TMTC2: variants seen among roughly 807,000 people sequenced by gnomAD.
TMTC2 encodes the protein protein O-mannosyl-transferase TMTC2.
TMTC2 carries 43 observed loss-of-function variants against 82.4 expected under a neutral mutation model. The observed-to-expected ratio is 0.52, with a 90% CI of 0.41 to 0.67. The LOEUF (loss-of-function observed/expected upper bound fraction) is 0.67, where lower values mean the gene tolerates loss of function less well. Among genes scored for constraint, TMTC2 ranks in the 30% least tolerant of loss-of-function variants. The probability of loss-of-function intolerance (pLI) is 0.00; values close to 1 mark genes in which losing one functional copy is unlikely to be tolerated. For synonymous variants in TMTC2, 408 were observed against 381.9 expected, an observed-to-expected ratio of 1.07 and a Z score of -0.80; for missense variants, 919 against 1,012.4, an observed-to-expected ratio of 0.91 and a Z score of 1.25.
intron 11 of TMTC2, among the ~76,000 whole-genome samples, chr12:83,117,351 C>T (rs1243677433): frequency 6.6e-6 from 1 of 152,188 alleles, no homozygotes; most frequent in African/African-American, 2.4e-5. Context: ...CCCTGAGGAA[C>T]ATAGATGCTA....
At chr12:82,911,544 G>A (rs759144879) in intron 3 of TMTC2, among the ~76,000 whole-genome samples, 2 of 152,020 alleles carry the variant, frequency 1.3e-5, no homozygotes, top group African/African-American at 4.8e-5. Flanking sequence ...CATATTAGAC[G>A]TTCTTTTTTA....
intron 1 of TMTC2, among the ~76,000 whole-genome samples, chr12:82,842,788 T>C (rs1468263151): frequency 6.6e-6 from 1 of 152,200 alleles, no homozygotes; most frequent in Non-Finnish European, 1.5e-5. Flanking sequence ...ATGGTCTTTC[T>C]TTTCTCATGT....
intron 1 of TMTC2, among the ~76,000 whole-genome samples, chr12:82,781,942 G>A (rs907562432): frequency 5.3e-5 from 8 of 152,016 alleles, no homozygotes; most frequent in African/African-American, 1.9e-4. Context: ...ACAACTGTGT[G>A]CTTTAGAAAG....
At chr12:82,687,718 C>T (rs961466402) in intron 1 of TMTC2, 49 bp downstream of exon 1, 4 of 1,547,080 alleles carry the variant, frequency 2.6e-6, no homozygotes, top group African/African-American at 2.7e-5. Flanking sequence ...GCACACTCCG[C>T]AGTGGCTCTG....
chr12:83,055,564 T>C (rs1014210549), intron 10 of TMTC2, among the ~76,000 whole-genome samples: 3 of 152,070 alleles, frequency 2.0e-5, no homozygotes, highest in Non-Finnish European at 4.4e-5. Context: ...AGAAACATTT[T>C]CCGTGAATGG....
At chr12:83,069,433 T>A (rs1226358854) in intron 11 of TMTC2, among the ~76,000 whole-genome samples, 1 of 152,196 alleles carries the variant, frequency 6.6e-6, no homozygotes, top group Non-Finnish European at 1.5e-5. Flanking sequence ...TGATTTGCAT[T>A]TTCCTGATCA....
At chr12:82,835,969 A>G (rs1592561386) in intron 1 of TMTC2, among the ~76,000 whole-genome samples, 1 of 152,344 alleles carries the variant, frequency 6.6e-6, no homozygotes, top group East Asian at 1.9e-4. Context: ...TATTTTGAAT[A>G]TCACCCCTGG....
At chr12:82,803,990 G>A (rs189973477) in intron 1 of TMTC2, among the ~76,000 whole-genome samples, 1 of 151,992 alleles carries the variant, frequency 6.6e-6, no homozygotes, top group Non-Finnish European at 1.5e-5. Context: ...AAGAATTGAG[G>A]TTGCTGCAGA....
chr12:83,111,892 A>G (rs1382659798), intron 11 of TMTC2, among the ~76,000 whole-genome samples: 1 of 152,004 alleles, frequency 6.6e-6, no homozygotes, highest in Non-Finnish European at 1.5e-5. Context: ...AACTATTTAC[A>G]GTCTACAAAA....
chr12:82,823,104 C>T (rs1177558330), intron 1 of TMTC2, among the ~76,000 whole-genome samples: 1 of 152,134 alleles, frequency 6.6e-6, no homozygotes, highest in East Asian at 1.9e-4. Flanking sequence ...GTGGTACTTC[C>T]TCTTCTGTTG....
chr12:82,918,453 C>G (rs1875149430), intron 3 of TMTC2, among the ~76,000 whole-genome samples: 1 of 152,038 alleles, frequency 6.6e-6, no homozygotes, highest in South Asian at 2.1e-4. Flanking sequence ...TTGGCAGATT[C>G]TTACATAGAA....
intron 10 of TMTC2, among the ~76,000 whole-genome samples, chr12:83,057,235 C>T (rs754674857): frequency 4.0e-5 from 6 of 151,840 alleles, no homozygotes; most frequent in South Asian, 2.1e-4. Flanking sequence ...AGTTTGAGGC[C>T]GTGAAAGAAT....
chr12:82,919,510 C>G (rs768905054), intron 3 of TMTC2, among the ~76,000 whole-genome samples: 11 of 152,146 alleles, frequency 7.2e-5, no homozygotes, highest in Non-Finnish European at 1.5e-4. Flanking sequence ...ACTCAAAAAT[C>G]CAAAGTCCAG....
chr12:82,799,851 CG>C (rs1345029840), intron 1 of TMTC2, among the ~76,000 whole-genome samples: 1 of 152,056 alleles, frequency 6.6e-6, no homozygotes, highest in Non-Finnish European at 1.5e-5. Flanking sequence ...GTGTTCTTAC[CG>C]GCAAGGAACA....
intron 8 of TMTC2, among the ~76,000 whole-genome samples, chr12:83,016,084 T>C (rs1473940841): frequency 6.6e-6 from 1 of 152,228 alleles, no homozygotes; most frequent in African/African-American, 2.4e-5. Flanking sequence ...CAAGAATCTT[T>C]AGCCTGGCAG....
At chr12:82,808,557 C>G (rs10778913) in intron 1 of TMTC2, among the ~76,000 whole-genome samples, 20,501 of 151,796 alleles carry the variant, frequency 0.14, 1,658 homozygotes, top group African/African-American at 0.21. Context: ...AATTATAAAC[C>G]CTTACTCCTT....
intron 4 of TMTC2, among the ~76,000 whole-genome samples, chr12:82,962,231 C>T (rs1468400861): frequency 6.6e-6 from 1 of 152,000 alleles, no homozygotes; most frequent in Non-Finnish European, 1.5e-5. Context: ...CATCAGTTTT[C>T]AATGATTTTG....
At chr12:82,703,206 A>G (rs1291158829) in intron 1 of TMTC2, among the ~76,000 whole-genome samples, 1 of 152,094 alleles carries the variant, frequency 6.6e-6, no homozygotes, top group Non-Finnish European at 1.5e-5. Flanking sequence ...CTGTCTCCAG[A>G]AAAGAAAAGA....
rs201278967 is a variant in TMTC2 at position 82,989,514 on chromosome 12, TA to T, written c.2070+3477del. 2.1e-4 allele frequency among the ~76,000 whole-genome samples: 31 copies of T among 150,494 alleles called. No homozygotes were observed. The East Asian group carries it at 3.7e-3, about 18-fold the overall frequency. ...AGCTAGATTGATAAATGGCCACCTT[TA>T]AAAAAAAATCTAAAAGTTTCAGATG... On this transcript the variant is annotated intron_variant, in intron 8 of 11. Coordinates refer to ENST00000321196, the MANE Select transcript of TMTC2 (RefSeq NM_152588.3).
Sources: gnomAD v4.1 joint callset for allele counts (sites outside exome capture counted in the v4.1 genomes callset) on GRCh38, gnomAD v4.1.1 for gene constraint, MANE v1.5 for transcripts, NCBI Gene and HGNC (gene_info 2026-07-23, HGNC 2026-07-21) for gene names.